Variants in CPXM2 observed in about 807,000 individuals in gnomAD.
CPXM2 encodes the protein inactive carboxypeptidase-like protein X2.
CPXM2 carries 66 observed loss-of-function variants against 86.1 expected under a neutral mutation model. The ratio of observed to expected loss-of-function variants is 0.77; its 90% CI spans 0.63 to 0.94. The LOEUF is 0.94. Ranked by LOEUF, CPXM2 falls within the 40% of genes least tolerant of loss-of-function variation. CPXM2 has a pLI of 0.00. For synonymous variants in CPXM2, 388 were observed against 400.2 expected, an observed-to-expected ratio of 0.97 and a Z score of 0.36; for missense variants, 948 against 1,026.3, an observed-to-expected ratio of 0.92 and a Z score of 1.04.
intron 11 of CPXM2, among the ~76,000 whole-genome samples, chr10:123,760,434 G>A (rs1204028383): frequency 6.6e-6 from 1 of 152,002 alleles, no homozygotes; most frequent in African/African-American, 2.4e-5. Context: ...GCCTCCGCTT[G>A]GTCTGTAAAA....
At chr10:123,925,145 A>T (rs9794146) in intron 2 of CPXM2, among the ~76,000 whole-genome samples, 110,274 of 149,968 alleles carry the variant, frequency 0.74, 40,614 homozygotes, top group East Asian at 0.94. Flanking sequence ...GTGGGAAGGG[A>T]GGGAGAGAGA....
At chr10:123,874,292 G>A (rs1944942633) in intron 2 of CPXM2, among the ~76,000 whole-genome samples, 1 of 152,032 alleles carries the variant, frequency 6.6e-6, no homozygotes. Context: ...AAAGGCCAAG[G>A]GAGCTCTTGG....
At chr10:123,903,771 G>T (rs141071593) in intron 2 of CPXM2, among the ~76,000 whole-genome samples, 2 of 152,238 alleles carry the variant, frequency 1.3e-5, no homozygotes, top group African/African-American at 2.4e-5. Context: ...AACAGATCTC[G>T]TTCTCAAAGG....
In CPXM2 at chr10:123,902,833, C is replaced by T. The variant is rs369930285; in HGVS notation, n.175-22524G>A. Among the ~76,000 whole-genome samples, 5 of 152,310 alleles carry T rather than the reference C, an allele frequency of 3.3e-5. No homozygotes were observed. The South Asian group carries it at 6.2e-4, about 19-fold the overall frequency. ...ACAGAGTGAACACTCAGGAAAGGCTCGCGGCTGTTGTCATTCTTCATGATG... is the reference window on the plus strand; with the variant it reads ...ACAGAGTGAACACTCAGGAAAGGCTTGCGGCTGTTGTCATTCTTCATGATG... On this transcript the variant is annotated intron_variant and non_coding_transcript_variant, in intron 2 of 19. Transcript: ENST00000368854.
chr10:123,764,931 T>C (rs879651482), intron 10 of CPXM2, among the ~76,000 whole-genome samples: 4 of 152,246 alleles, frequency 2.6e-5, no homozygotes, highest in Non-Finnish European at 5.9e-5. Context: ...CAAATTTTCA[T>C]ATGCAATATT....
intron 3 of CPXM2, among the ~76,000 whole-genome samples, chr10:123,857,642 CGGCGTGGAGATGGAAGGCGGCGT>C (rs1848761490): frequency 1.1e-5 from 1 of 88,178 alleles, no homozygotes; most frequent in East Asian, 3.5e-4. Flanking sequence ...AGATGGAAGG[CGGCGTGGAGATGGAAGGCGGCGT>C]GGAGATGGAA....
intron 4 of CPXM2, among the ~76,000 whole-genome samples, chr10:123,823,495 G>C (rs1013589276): frequency 1.2e-4 from 18 of 152,152 alleles, no homozygotes; most frequent in African/African-American, 4.1e-4. Context: ...AAGAAAAAAG[G>C]TTGCACAGGG....
intron 1 of CPXM2, among the ~76,000 whole-genome samples, chr10:123,887,527 T>C (rs534560149): frequency 5.9e-5 from 9 of 152,322 alleles, no homozygotes; most frequent in Admixed American, 5.9e-4. Flanking sequence ...TTTGATACTG[T>C]ATACAACAGT....
chr10:123,786,926 C>A (rs1432623349), intron 6 of CPXM2, among the ~76,000 whole-genome samples: 2 of 152,196 alleles, frequency 1.3e-5, no homozygotes, highest in Non-Finnish European at 2.9e-5. Context: ...TGCCAACCTG[C>A]CCCCCTTCTT....
At chr10:123,797,299 G>T (rs1202580691) in intron 6 of CPXM2, among the ~76,000 whole-genome samples, 1 of 152,206 alleles carries the variant, frequency 6.6e-6, no homozygotes, top group Non-Finnish European at 1.5e-5. Context: ...ACTACCCAGT[G>T]TAATGGTATC....
chr10:123,750,775 A>G, intron 13 of CPXM2: 1 of 985,410 alleles, frequency 1.0e-6, no homozygotes. Flanking sequence ...GGTGTTGGCC[A>G]TGTCATCTCA....
chr10:123,774,557 C>A (rs1316203307), intron 7 of CPXM2, among the ~76,000 whole-genome samples: 2 of 152,060 alleles, frequency 1.3e-5, no homozygotes, highest in African/African-American at 4.8e-5. Context: ...CATCAAGGAG[C>A]GTTTCTAAAG....
At chr10:123,763,696 C>T (rs1001395313) in intron 10 of CPXM2, among the ~76,000 whole-genome samples, 5 of 151,916 alleles carry the variant, frequency 3.3e-5, no homozygotes, top group South Asian at 2.1e-4. Flanking sequence ...TTCAATATGG[C>T]GATCTCATTT....
At chr10:123,819,748 T>C (rs1169989582) in intron 4 of CPXM2, among the ~76,000 whole-genome samples, 1 of 152,238 alleles carries the variant, frequency 6.6e-6, no homozygotes, top group Admixed American at 6.5e-5. Context: ...GAAGATTATA[T>C]ATGATATCAG....
intron 2 of CPXM2, among the ~76,000 whole-genome samples, chr10:123,912,836 ACAACAGGTT>A (rs1945502004): frequency 6.6e-6 from 1 of 152,238 alleles, no homozygotes; most frequent in African/African-American, 2.4e-5. Context: ...CTGAAGCCAC[ACAACAGGTT>A]CAACTACTTT....
chr10:123,893,510 C>T (rs142167426), upstream of CPXM2, among the ~76,000 whole-genome samples: 4 of 152,208 alleles, frequency 2.6e-5, no homozygotes, highest in African/African-American at 4.8e-5. Context: ...CTGGTTGAGG[C>T]AGGGCCTGTC....
chr10:123,919,976 C>G (rs1945568030), intron 2 of CPXM2, among the ~76,000 whole-genome samples: 2 of 152,170 alleles, frequency 1.3e-5, no homozygotes, highest in African/African-American at 4.8e-5. Context: ...TGAGAACTCA[C>G]TCATTACCAC....
At chr10:123,911,584 G>A (rs561697713) in intron 2 of CPXM2, among the ~76,000 whole-genome samples, 4 of 151,876 alleles carry the variant, frequency 2.6e-5, no homozygotes, top group Admixed American at 6.5e-5. Context: ...GGCCATGAAC[G>A]GAAACAGCTC....
intron 2 of CPXM2, among the ~76,000 whole-genome samples, chr10:123,875,101 C>T (rs1321033089): frequency 6.6e-6 from 1 of 152,160 alleles, no homozygotes; most frequent in African/African-American, 2.4e-5. Context: ...TACAGCCAGC[C>T]CAGGACCCCT....
Sources: allele counts gnomAD v4.1 joint callset (sites outside exome capture counted in the v4.1 genomes callset), GRCh38; gene constraint gnomAD v4.1.1; transcripts MANE v1.5; gene names NCBI Gene and HGNC (gene_info 2026-07-23, HGNC 2026-07-21).